Variants in ZNF17 observed in about 807,000 individuals in gnomAD.
ZNF17 encodes the protein zinc finger protein 17.
A neutral mutation model predicts 7.7 loss-of-function variants in ZNF17; 4 were observed. That is an observed-to-expected ratio of 0.52 (90% CI 0.26 to 1.20). ZNF17 has a LOEUF of 1.20. ZNF17 is among the 50% of genes most tolerant of loss of function. ZNF17 has a pLI of 0.14. For synonymous variants in ZNF17, 249 were observed against 258.8 expected (o/e 0.96, Z 0.36); for missense variants, 738 against 799.5 (o/e 0.92, Z 0.93).
At position 57,421,014 on chromosome 19, in the gene ZNF17, A is replaced by C. The variant is rs1401310205; in HGVS notation, c.1528A>C (p.Arg510=). Residue 510 remains arginine (R), a synonymous_variant, in exon 4 of 4, where the codon AGA becomes CGA. Transcript: ENST00000307658. Reference sequence around the variant, plus strand: ...ATGCAGCATTTGTGGGAAATCCTTTAGATGTCGCTCCACACTTGATACACA... The same window carrying C: ...ATGCAGCATTTGTGGGAAATCCTTTCGATGTCGCTCCACACTTGATACACA... ...FECSICGKSF[R]CRSTLDTHQR... 2 of 1,614,154 alleles carry C rather than the reference A, an allele frequency of 1.2e-6. No individual in the cohort carries two copies. Among genetic ancestry groups the C allele is most frequent in the Non-Finnish European group, 1.7e-6 (2 of 1,180,032 alleles).
intron 1 of ZNF17, among the ~76,000 whole-genome samples, chr19:57,412,245 G>A (rs1413326090): frequency 6.6e-6 from 1 of 152,116 alleles, no homozygotes; most frequent in Non-Finnish European, 1.5e-5. Flanking sequence ...GGCCCACTCT[G>A]TGGAACAATA....
At chr19:57,413,236 A>G (rs1443353260) in intron 1 of ZNF17, 1 of 219,892 alleles carries the variant, frequency 4.5e-6, no homozygotes, top group African/African-American at 2.2e-5. Flanking sequence ...TTTCCTTAAC[A>G]CCGTAAGAAG....
intron 1 of ZNF17, 187 bp downstream of exon 1, chr19:57,411,593 G>A (rs2088777249): frequency 6.4e-6 from 9 of 1,411,818 alleles, no homozygotes; most frequent in Admixed American, 2.9e-5. Context: ...AGGCTTAGAG[G>A]TGCTGCAGAG....
intron 3 of ZNF17, among the ~76,000 whole-genome samples, chr19:57,418,364 C>T (rs1437223864): frequency 6.6e-6 from 1 of 152,162 alleles, no homozygotes; most frequent in Non-Finnish European, 1.5e-5. Context: ...TTTCTCCATT[C>T]TTCTTGCTGA....
rs567151718 is a variant in ZNF17, at chr19:57,421,583, A to G, written c.*102A>G. On this transcript the variant is annotated 3_prime_UTR_variant, in exon 4 of 4. Transcript: ENST00000307658. ...TAAAAAAAGTATTCTTGTAGAATAC[A>G]GATAACATAAAATCTAACATCTTAA... The G allele has an allele frequency of 3.0e-5, 39 of 1,279,372 alleles. No individual in the cohort carries two copies. The East Asian group carries it at 7.8e-4, about 25-fold the overall frequency. 79.3% of individuals were successfully genotyped at this position (1,279,372 alleles called of 1,614,324 possible).
At chr19:57,411,649 A>G in intron 1 of ZNF17, 5 of 1,350,862 alleles carry the variant, frequency 3.7e-6, no homozygotes, top group Non-Finnish European at 4.8e-6. Context: ...CACGGAGCTG[A>G]GGGTGAGGCG....
Position 57,420,271 on chromosome 19 carries a change from ATGT to A in ZNF17, c.790_792del (p.Val264del), listed in dbSNP as rs1568539126. 1 of 1,614,032 alleles carries A rather than the reference ATGT, an allele frequency of 6.2e-7. No homozygotes were observed. Among genetic ancestry groups the A allele is most frequent in the Non-Finnish European group, 8.5e-7 (1 of 1,179,992 alleles). ...GGAAAAGCCTTCAGCCTCAAATACA[ATGT>A]TGTTCAACACCAGAAAATTCACACT... On this transcript the variant is annotated inframe_deletion, in exon 4 of 4. Transcript: ENST00000307658.
intron 2 of ZNF17, among the ~76,000 whole-genome samples, chr19:57,416,507 T>TTTTTTG (rs2088812290): frequency 6.7e-6 from 1 of 150,056 alleles, no homozygotes; most frequent in South Asian, 2.1e-4. Flanking sequence ...CCAGGTGTTT[T>TTTTTTG]TTTTGTTTTG....
At chr19:57,415,342 G>A (rs1372448993) in intron 2 of ZNF17, among the ~76,000 whole-genome samples, 1 of 152,122 alleles carries the variant, frequency 6.6e-6, no homozygotes, top group African/African-American at 2.4e-5. Context: ...TGTAGTAGGG[G>A]GAGTTTAATA....
chr19:57,419,865 C>G lies in ZNF17; in HGVS notation c.379C>G (p.Leu127Val), dbSNP rs199895460. 6.2e-7 allele frequency: 1 copy of G among 1,614,224 alleles called. No homozygotes were observed. The highest frequency in any genetic ancestry group is 8.5e-7 in the Non-Finnish European group (1 of 1,180,028). The change falls in exon 4 of 4, where the codon CTC becomes GTC. Residue 127 changes from leucine (L) to valine (V), a missense_variant. Leu to Val is a conservative substitution (Grantham distance 32). Around this residue, in one of 3 missense-constraint regions of ZNF17, gnomAD observed 616 missense variants for 663.9 expected, o/e 0.93. Coordinates refer to ENST00000307658, the MANE Select transcript of ZNF17 (RefSeq NM_001330617.2). ...LHQKEHLREKLTRSDEGRPSF... is the reference protein window; with the variant it reads ...LHQKEHLREKVTRSDEGRPSF... Reference sequence around the variant, plus strand: ...CCAAAAGGAGCATCTTAGAGAGAAGCTCACCAGAAGTGATGAAGGGAGGCC... The same window carrying G: ...CCAAAAGGAGCATCTTAGAGAGAAGGTCACCAGAAGTGATGAAGGGAGGCC...
chr19:57,420,098 A>C lies in ZNF17; in HGVS notation c.612A>C (p.Gln204His). ...CTQCGKDFCH[Q>H]HTLFEHQKIH... is the part of the protein sequence containing the mutation. Reference sequence around the variant, plus strand: ...AATGTGGGAAAGACTTTTGCCACCAACATACACTGTTTGAGCACCAGAAAA... The same window carrying C: ...AATGTGGGAAAGACTTTTGCCACCACCATACACTGTTTGAGCACCAGAAAA... Residue 204 changes from glutamine (Q) to histidine (H), a missense_variant, in exon 4 of 4, where the codon CAA (glutamine) becomes CAC (histidine). Physicochemically the swap from Gln to His is conservative, Grantham distance 24. This residue lies in a region of ZNF17 where 616 missense variants were observed against 663.9 expected (regional missense o/e 0.93). Transcript: ENST00000307658. 6.2e-7 allele frequency: 1 copy of C among 1,614,252 alleles called. No individual in the cohort carries two copies. The highest frequency in any genetic ancestry group is 8.5e-7 in the Non-Finnish European group (1 of 1,180,046).
In ZNF17 at chr19:57,421,672, G is replaced by A; in HGVS notation, c.*191G>A. On this transcript the variant is annotated 3_prime_UTR_variant, in exon 4 of 4. Coordinates refer to ENST00000307658, the MANE Select transcript of ZNF17 (RefSeq NM_001330617.2). ...CACATTGTGCAATGAATATCTAGAA[G>A]TCTTTTCAACTTATGAAACTAAGTC... is the stretch of plus-strand genomic sequence containing the variant. The A allele has an allele frequency of 3.3e-6, 2 of 610,576 alleles. No individual in the cohort carries two copies. The allele number at this position is 610,576 out of a possible 1,614,324, so 37.8% of individuals were successfully genotyped here.
Position 57,420,796 on chromosome 19 carries a change from T to A in ZNF17, c.1310T>A (p.Val437Asp), listed in dbSNP as rs781267068. 4.3e-6 allele frequency: 7 copies of A among 1,612,308 alleles called. No homozygotes were observed. The South Asian group carries it at 7.7e-5, about 18-fold the overall frequency. ...TCCACACTCATTATTCATCAGAGAG[T>A]TCATACTGGAGAAAAGCCTTATGAA... ...DTSTLIIHQR[V>D]HTGEKPYECN... The change falls in exon 4 of 4, where the codon GTT becomes GAT. Residue 437 changes from valine to aspartate, a missense_variant. Val to Asp is a radical substitution (Grantham distance 152). This residue lies in a region of ZNF17 where 616 missense variants were observed against 663.9 expected (regional missense o/e 0.93). Transcript: ENST00000307658.
intron 1 of ZNF17, chr19:57,411,737 C>A: frequency 8.9e-7 from 1 of 1,129,130 alleles, no homozygotes; most frequent in Non-Finnish European, 1.1e-6. Flanking sequence ...CAGAGGTAGA[C>A]GTTTAAAGTT....
chr19:57,419,938 G>A lies in ZNF17; in HGVS notation c.452G>A (p.Cys151Tyr), dbSNP rs2088836847. 1.2e-6 allele frequency: 2 copies of A among 1,614,110 alleles called. No individual in the cohort carries two copies. The highest frequency in any genetic ancestry group is 1.7e-6 in the Non-Finnish European group (2 of 1,180,042). ...CACCTGGCAAAGAGGAACCTCACAT[G>A]CATGCAGGGTGGCAAGGATTTTACT... ...SVHLAKRNLT[C>Y]MQGGKDFTGD... is the part of the protein sequence containing the mutation. The change falls in exon 4 of 4, where the codon TGC becomes TAC. Residue 151 changes from cysteine (C) to tyrosine (Y), a missense_variant. Physicochemically the swap from Cys to Tyr is radical, Grantham distance 194 (BLOSUM62 -2). This residue lies in a region of ZNF17 where 616 missense variants were observed against 663.9 expected (regional missense o/e 0.93). Coordinates refer to ENST00000307658, the MANE Select transcript of ZNF17 (RefSeq NM_001330617.2).
intron 2 of ZNF17, among the ~76,000 whole-genome samples, chr19:57,415,206 A>G (rs548169150): frequency 6.6e-6 from 1 of 152,264 alleles, no homozygotes; most frequent in East Asian, 1.9e-4. Flanking sequence ...AGAGCTGCTC[A>G]CATTTTTTGA....
rs779185578 is a variant in ZNF17 at position 57,420,176 on chromosome 19, G to A, written c.690G>A (p.Arg230=). The A allele has an allele frequency of 1.7e-5, 27 of 1,612,930 alleles. No individual in the cohort carries two copies. The highest frequency in any genetic ancestry group is 2.3e-5 in the Non-Finnish European group (27 of 1,179,130). ...YECSECGKLF[R]YNSDLIKHQR... ...GCAGTGAATGTGGCAAATTGTTTAG[G>A]TACAACTCCGACCTTATTAAACATC... The change falls in exon 4 of 4, where the codon AGG becomes AGA. Residue 230 remains arginine, a synonymous_variant. Transcript: ENST00000307658.
chr19:57,411,312 C>G lies in ZNF17; in HGVS notation c.-115C>G. ...GAGGCTCGGTTGAATCGGTTGCAGG[C>G]GTTGGTGCCTCTGTCAGCGTCCAGG... On this transcript the variant is annotated 5_prime_UTR_variant, in exon 1 of 4. Coordinates refer to ENST00000307658, the MANE Select transcript of ZNF17 (RefSeq NM_001330617.2). 6.4e-7 allele frequency: 1 copy of G among 1,564,506 alleles called. No individual in the cohort carries two copies. The highest frequency in any genetic ancestry group is 8.7e-7 in the Non-Finnish European group (1 of 1,153,382).
intron 1 of ZNF17, among the ~76,000 whole-genome samples, chr19:57,412,728 G>C (rs1247739946): frequency 6.6e-6 from 1 of 152,138 alleles, no homozygotes; most frequent in Non-Finnish European, 1.5e-5. Context: ...ACAGGCATGA[G>C]CCACCGCGCC....
Sources: allele counts gnomAD v4.1 joint callset (sites outside exome capture counted in the v4.1 genomes callset), GRCh38; gene constraint gnomAD v4.1.1; regional missense constraint gnomAD v4.1.1; transcripts MANE v1.5; gene names NCBI Gene and HGNC (gene_info 2026-07-23, HGNC 2026-07-21).